ZNF695: variants seen among roughly 807,000 people sequenced by gnomAD.
ZNF695 encodes the protein zinc finger protein 695.
A neutral mutation model predicts 11.2 loss-of-function variants in ZNF695; 11 were observed. That is an observed-to-expected ratio of 0.98 (90% CI 0.62 to 1.62). The LOEUF is 1.62. ZNF695 is among the 40% of genes most tolerant of loss of function. ZNF695 has a pLI of 0.00. For synonymous variants in ZNF695, 190 were observed against 201.4 expected (o/e 0.94, Z 0.48); for missense variants, 559 against 590.5 (o/e 0.95, Z 0.55).
chr1:246,994,358 T>C (rs954450714), intron 3 of ZNF695, among the ~76,000 whole-genome samples: 1 of 151,606 alleles, frequency 6.6e-6, no homozygotes, highest in African/African-American at 2.4e-5. Flanking sequence ...CTGGCCAACG[T>C]GGCAAAACCC....
intron 5 of ZNF695, among the ~76,000 whole-genome samples, chr1:246,961,244 G>A (rs1007083616): frequency 2.0e-5 from 3 of 152,152 alleles, no homozygotes; most frequent in African/African-American, 7.2e-5. Context: ...CACTTCATTA[G>A]AAGTTATATA....
At chr1:246,973,792 G>A (rs970411515) in intron 4 of ZNF695, among the ~76,000 whole-genome samples, 1 of 152,170 alleles carries the variant, frequency 6.6e-6, no homozygotes, top group African/African-American at 2.4e-5. Context: ...ATGAATGATG[G>A]AATTGGGATT....
At chr1:246,985,191 T>C, downstream of ZNF695, 1 of 593,098 alleles carries the variant, frequency 1.7e-6, no homozygotes, top group South Asian at 7.5e-5. Flanking sequence ...GTAGTATATT[T>C]ATGTATTTAT....
intron 5 of ZNF695, among the ~76,000 whole-genome samples, chr1:246,951,800 A>C (rs551365767): frequency 5.9e-5 from 9 of 152,270 alleles, no homozygotes; most frequent in African/African-American, 1.9e-4. Context: ...TGGGACTAGA[A>C]AGGGATAGAA....
chr1:246,957,814 T>C (rs1024168744), intron 5 of ZNF695, among the ~76,000 whole-genome samples: 3 of 151,920 alleles, frequency 2.0e-5, no homozygotes, highest in Non-Finnish European at 4.4e-5. Context: ...TTTGTATTTT[T>C]AGTGGAGACA....
chr1:246,986,682 A>T lies in ZNF695; in HGVS notation c.*285T>A, dbSNP rs1167287723. The T allele has an allele frequency of 1.8e-6, 2 of 1,107,552 alleles. No individual in the cohort carries two copies. The highest frequency in any genetic ancestry group is 1.1e-6 in the Non-Finnish European group (1 of 908,740). 68.6% of individuals were successfully genotyped at this position (1,107,552 alleles called of 1,614,324 possible). A position where few individuals can be genotyped will look rare whatever the true frequency, so the allele number is the denominator to read the frequency against. ...CATTTGTAGGGTTTCTCTCCAATAC[A>T]AAGTCTTTGAAATTGAATACAGTTT... On this transcript the variant is annotated 3_prime_UTR_variant, in exon 4 of 4. Transcript: ENST00000339986.
intron 3 of ZNF695, among the ~76,000 whole-genome samples, chr1:246,990,205 GAGAGAA>G (rs1403428594): frequency 1.3e-5 from 2 of 151,404 alleles, no homozygotes; most frequent in African/African-American, 4.9e-5. Context: ...GAGAAAGAGA[GAGAGAA>G]AGAAAGACAC....
At chr1:246,982,517 A>G (rs1440925153), downstream of ZNF695, among the ~76,000 whole-genome samples, 1 of 152,248 alleles carries the variant, frequency 6.6e-6, no homozygotes, top group African/African-American at 2.4e-5. Context: ...ACTGCTTACA[A>G]TACATAGTCC....
At chr1:246,977,307 A>G (rs549861706) in intron 4 of ZNF695, among the ~76,000 whole-genome samples, 2 of 152,298 alleles carry the variant, frequency 1.3e-5, no homozygotes, top group South Asian at 2.1e-4. Context: ...CCCAGGCTGG[A>G]GTGCAGTGGT....
chr1:246,984,420 G>A (rs527974320), downstream of ZNF695, among the ~76,000 whole-genome samples: 1 of 152,204 alleles, frequency 6.6e-6, no homozygotes, highest in Non-Finnish European at 1.5e-5. Context: ...GTGCAGCCTG[G>A]GTAGAGAAGT....
At chr1:246,960,182 T>C (rs1034940643) in intron 5 of ZNF695, among the ~76,000 whole-genome samples, 4 of 152,250 alleles carry the variant, frequency 2.6e-5, no homozygotes, top group Non-Finnish European at 4.4e-5. Flanking sequence ...TTTCTCATAT[T>C]GTAATACTTC....
At chr1:247,005,281 A>G (rs1044064602) in intron 1 of ZNF695, among the ~76,000 whole-genome samples, 1 of 152,216 alleles carries the variant, frequency 6.6e-6, no homozygotes. Context: ...AAAAAAATCC[A>G]TACATCTACA....
chr1:247,000,694 G>A (rs541837911), intron 1 of ZNF695, among the ~76,000 whole-genome samples: 1 of 152,258 alleles, frequency 6.6e-6, no homozygotes, highest in East Asian at 1.9e-4. Context: ...GATAAACTGT[G>A]TATTGTTCTC....
chr1:246,945,860 G>A, intron 5 of ZNF695: 2 of 1,549,752 alleles, frequency 1.3e-6, no homozygotes, highest in Non-Finnish European at 1.7e-6. Flanking sequence ...AGCAGCTTAA[G>A]GTTCCGAGTA....
At chr1:246,988,856 C>T (rs981965538) in intron 3 of ZNF695, among the ~76,000 whole-genome samples, 10 of 151,590 alleles carry the variant, frequency 6.6e-5, no homozygotes, top group Non-Finnish European at 8.8e-5. Context: ...TTTGGGAGGC[C>T]GAGACGGGCG....
At chr1:246,974,898 G>C (rs1331382911) in intron 4 of ZNF695, among the ~76,000 whole-genome samples, 5 of 152,134 alleles carry the variant, frequency 3.3e-5, no homozygotes, top group Non-Finnish European at 7.3e-5. Context: ...GCTTTCCCTT[G>C]CTTTTGGTTC....
At chr1:247,000,798 C>T (rs982308452) in intron 1 of ZNF695, among the ~76,000 whole-genome samples, 7 of 152,104 alleles carry the variant, frequency 4.6e-5, no homozygotes, top group Non-Finnish European at 8.8e-5. Context: ...AGGCACGGGC[C>T]GGGTGCAGTG....
chr1:246,975,731 A>G (rs953355613), intron 4 of ZNF695, among the ~76,000 whole-genome samples: 2 of 152,212 alleles, frequency 1.3e-5, no homozygotes, highest in Non-Finnish European at 2.9e-5. Context: ...GGAGTAAGCT[A>G]AGGTGTAAAC....
chr1:246,951,754 G>C (rs1307585442), intron 5 of ZNF695, among the ~76,000 whole-genome samples: 1 of 152,148 alleles, frequency 6.6e-6, no homozygotes, highest in Non-Finnish European at 1.5e-5. Context: ...GCTGAGACCT[G>C]GTAAGCCAGG....
Sources: allele counts gnomAD v4.1 joint callset (sites outside exome capture counted in the v4.1 genomes callset), GRCh38; gene constraint gnomAD v4.1.1; transcripts MANE v1.5; gene names NCBI Gene and HGNC (gene_info 2026-07-23, HGNC 2026-07-21).